The following XIRP2 variants were observed in gnomAD, a reference collection of about 807,000 sequenced individuals.
XIRP2 encodes xin actin-binding repeat-containing protein 2.
XIRP2 carries 236 observed loss-of-function variants against 277.0 expected under a neutral mutation model. The observed-to-expected ratio is 0.85, with a 90% CI of 0.77 to 0.95. The LOEUF is 0.95. XIRP2 is among the 40% of genes least tolerant of loss of function. The pLI is 0.00. For synonymous variants in XIRP2, 1,490 were observed against 1,416.5 expected, an observed-to-expected ratio of 1.05 and a Z score of -1.17; for missense variants, 4,640 against 4,157.5, an observed-to-expected ratio of 1.12 and a Z score of -3.19.
At chr2:167,052,005 T>C (rs775718399) in intron 2 of XIRP2, among the ~76,000 whole-genome samples, 9 of 152,080 alleles carry the variant, frequency 5.9e-5, no homozygotes, top group Non-Finnish European at 1.0e-4. Context: ...TTAAGCATAT[T>C]TTTGGGTTAT....
chr2:167,028,358 A>G (rs373850242), intron 2 of XIRP2, among the ~76,000 whole-genome samples: 12 of 152,180 alleles, frequency 7.9e-5, no homozygotes, highest in African/African-American at 2.9e-4. Context: ...CTCAGGACAT[A>G]CTGAGAGACT....
intron 3 of XIRP2, among the ~76,000 whole-genome samples, chr2:167,190,247 C>G (rs1474700049): frequency 1.3e-5 from 2 of 152,088 alleles, no homozygotes; most frequent in Admixed American, 6.6e-5. Context: ...AAATCATTGA[C>G]CATTGCTGAT....
intron 2 of XIRP2, among the ~76,000 whole-genome samples, chr2:166,975,718 G>A (rs1165412688): frequency 1.3e-5 from 2 of 152,048 alleles, no homozygotes; most frequent in African/African-American, 2.4e-5. Flanking sequence ...GAGGTCAGGA[G>A]ATCGAGACCA....
intron 2 of XIRP2, among the ~76,000 whole-genome samples, chr2:167,133,069 T>C (rs1691433336): frequency 6.6e-6 from 1 of 152,198 alleles, no homozygotes; most frequent in African/African-American, 2.4e-5. Flanking sequence ...GTCCTAGAAA[T>C]GGCAAGTGAC....
chr2:167,194,726 C>T (rs1216299513), intron 3 of XIRP2, among the ~76,000 whole-genome samples: 3 of 152,106 alleles, frequency 2.0e-5, no homozygotes, highest in Non-Finnish European at 4.4e-5. Context: ...TTACCCTTAC[C>T]TACTGATTGA....
chr2:166,939,636 C>T lies in XIRP2; in HGVS notation c.408+35746C>T, dbSNP rs548281074. On this transcript the variant is annotated intron_variant, in intron 2 of 10. Transcript: ENST00000409195. ...TGGAGCTTTCAGTGAGCCGAGATCA[C>T]GCCACTGCACTCTGGCCTGGGCGAA... Among the ~76,000 whole-genome samples, 260 of 143,326 alleles carry T rather than the reference C, an allele frequency of 1.8e-3. 1 individual carries two copies. Among genetic ancestry groups the T allele is most frequent in the Non-Finnish European group, 2.9e-3 (195 of 66,628 alleles). 94.0% of individuals were successfully genotyped at this position (143,326 alleles called of 152,430 possible).
intron 2 of XIRP2, among the ~76,000 whole-genome samples, chr2:167,053,257 T>C (rs562209676): frequency 1.3e-5 from 2 of 152,352 alleles, no homozygotes; most frequent in South Asian, 4.1e-4. Context: ...CATATTGAAA[T>C]ATTTAAAACT....
intron 2 of XIRP2, among the ~76,000 whole-genome samples, chr2:167,020,398 A>C (rs944467094): frequency 2.0e-5 from 3 of 152,138 alleles, no homozygotes; most frequent in South Asian, 4.1e-4. Flanking sequence ...ATATTCTTCC[A>C]CCATCAACAA....
chr2:167,002,957 T>C (rs1687410791), intron 2 of XIRP2, among the ~76,000 whole-genome samples: 1 of 151,876 alleles, frequency 6.6e-6, no homozygotes, highest in South Asian at 2.1e-4. Flanking sequence ...GTTTATGAAA[T>C]TTGAAAAAGA....
intron 3 of XIRP2, among the ~76,000 whole-genome samples, chr2:167,191,803 C>T (rs2105367284): frequency 6.6e-6 from 1 of 152,186 alleles, no homozygotes; most frequent in South Asian, 2.1e-4. Flanking sequence ...AGATTATATC[C>T]TTGTTGCCTG....
At chr2:166,983,287 A>T (rs945280014) in intron 2 of XIRP2, among the ~76,000 whole-genome samples, 17 of 152,242 alleles carry the variant, frequency 1.1e-4, no homozygotes, top group African/African-American at 4.1e-4. Flanking sequence ...ATAATTTTTC[A>T]TTCAAAAATT....
Position 167,250,324 on chromosome 2 carries a change from A to G in XIRP2, c.8932A>G (p.Thr2978Ala). ...PNKSGLKTFQ[T>A]LLNTIPGWLI... ...TAAAAGTGGCCTTAAAACATTTCAG[A>G]CACTATTAAATACTATCCCAGGATG... Residue 2978 changes from threonine to alanine, a missense_variant, in exon 9 of 11, where the codon ACA becomes GCA. Transcript: ENST00000409195. 1.2e-6 allele frequency: 2 copies of G among 1,613,466 alleles called. No homozygotes were observed. Among genetic ancestry groups the G allele is most frequent in the Non-Finnish European group, 1.7e-6 (2 of 1,179,682 alleles).
At chr2:167,158,310 G>A (rs1692262154) in intron 3 of XIRP2, among the ~76,000 whole-genome samples, 1 of 152,220 alleles carries the variant, frequency 6.6e-6, no homozygotes, top group South Asian at 2.1e-4. Flanking sequence ...GCAGTTGAAA[G>A]ATGTTCAGTG....
At chr2:167,089,708 C>T (rs148976377) in intron 2 of XIRP2, among the ~76,000 whole-genome samples, 9 of 152,156 alleles carry the variant, frequency 5.9e-5, no homozygotes, top group Admixed American at 1.3e-4. Flanking sequence ...TGCTGCATTA[C>T]GTGACACAGA....
chr2:167,051,626 A>T (rs1487408292), intron 2 of XIRP2, among the ~76,000 whole-genome samples: 3 of 152,120 alleles, frequency 2.0e-5, no homozygotes, highest in Non-Finnish European at 4.4e-5. Context: ...TTAAGACAAT[A>T]TGTAAAATGT....
At chr2:167,173,228 T>C (rs1211164704) in intron 3 of XIRP2, among the ~76,000 whole-genome samples, 1 of 152,218 alleles carries the variant, frequency 6.6e-6, no homozygotes, top group African/African-American at 2.4e-5. Flanking sequence ...TAATTCTTTC[T>C]AACTTTTTTT....
chr2:166,937,176 A>G (rs1018072670), intron 2 of XIRP2, among the ~76,000 whole-genome samples: 3 of 152,198 alleles, frequency 2.0e-5, no homozygotes, highest in Non-Finnish European at 4.4e-5. Flanking sequence ...GCCAGTTTCA[A>G]AGGGAATGCT....
chr2:167,136,086 T>C, intron 3 of XIRP2, 24 bp downstream of exon 3: 2 of 1,574,700 alleles, frequency 1.3e-6, no homozygotes, highest in Non-Finnish European at 1.7e-6. Flanking sequence ...TTTGATATGC[T>C]TTCTTGACAT....
intron 3 of XIRP2, among the ~76,000 whole-genome samples, chr2:167,164,478 C>T (rs1057266566): frequency 1.5e-5 from 2 of 134,090 alleles, no homozygotes; most frequent in Non-Finnish European, 3.2e-5. Flanking sequence ...AAAGAATTAA[C>T]TTGTGAGTTT....
Sources: gnomAD v4.1 joint callset for allele counts (sites outside exome capture counted in the v4.1 genomes callset) on GRCh38, gnomAD v4.1.1 for gene constraint, MANE v1.5 for transcripts, NCBI Gene and HGNC (gene_info 2026-07-23, HGNC 2026-07-21) for gene names.